Variants in C8orf34 observed in about 807,000 individuals in gnomAD.
C8orf34 encodes the protein chromosome 8 open reading frame 34, also known as uncharacterized protein C8orf34.
C8orf34 carries 65 observed loss-of-function variants against 68.3 expected under a neutral mutation model. That is an observed-to-expected ratio of 0.95 (90% CI 0.78 to 1.17). The LOEUF (loss-of-function observed/expected upper bound fraction) is 1.17, where lower values mean the gene tolerates loss of function less well. Among genes scored for constraint, C8orf34 ranks in the 50% most tolerant of loss-of-function variants. The pLI is 0.00. For synonymous variants in C8orf34, 244 were observed against 241.2 expected (o/e 1.01, Z -0.11); for missense variants, 664 against 655.4 (o/e 1.01, Z -0.14).
chr8:68,426,650 TAA>T (rs896089195), intron 1 of C8orf34, among the ~76,000 whole-genome samples: 1 of 148,662 alleles, frequency 6.7e-6, no homozygotes, highest in African/African-American at 2.5e-5. Context: ...CAAAACATAT[TAA>T]AAAAAAGAAA....
intron 7 of C8orf34, among the ~76,000 whole-genome samples, chr8:68,631,995 A>G (rs951265110): frequency 9.9e-5 from 15 of 152,222 alleles, no homozygotes; most frequent in African/African-American, 3.6e-4. Context: ...GGTACTGCCT[A>G]AAGATACCTA....
At chr8:68,803,000 A>C (rs1185338535) in intron 12 of C8orf34, among the ~76,000 whole-genome samples, 1 of 152,128 alleles carries the variant, frequency 6.6e-6, no homozygotes, top group African/African-American at 2.4e-5. Context: ...TATCTATTAA[A>C]AATTAAATTA....
At chr8:68,615,775 G>C (rs1007312017) in intron 7 of C8orf34, among the ~76,000 whole-genome samples, 13 of 152,158 alleles carry the variant, frequency 8.5e-5, no homozygotes, top group Non-Finnish European at 1.6e-4. Context: ...TCTCTGCCCA[G>C]CTTTGGTATC....
chr8:68,812,711 CAAAT>C (rs1240565430), intron 12 of C8orf34, among the ~76,000 whole-genome samples: 4 of 152,000 alleles, frequency 2.6e-5, no homozygotes, highest in African/African-American at 9.7e-5. Flanking sequence ...TTTTACTTAA[CAAAT>C]ATTTATTGAA....
intron 8 of C8orf34, among the ~76,000 whole-genome samples, chr8:68,641,116 G>A (rs1818995698): frequency 6.6e-6 from 1 of 152,206 alleles, no homozygotes; most frequent in African/African-American, 2.4e-5. Context: ...CATTTGCAAA[G>A]AGGCTTTTAA....
intron 1 of C8orf34, among the ~76,000 whole-genome samples, chr8:68,420,357 G>T (rs1809908455): frequency 6.6e-6 from 1 of 152,016 alleles, no homozygotes. Context: ...TGGGTCATCT[G>T]GAATTCCAGA....
At position 68,521,880 on chromosome 8, in the gene C8orf34, C is replaced by A; in HGVS notation, c.847C>A (p.Pro283Thr). 6.2e-7 allele frequency: 1 copy of A among 1,614,006 alleles called. No homozygotes were observed. The highest frequency in any genetic ancestry group is 1.1e-5 in the South Asian group (1 of 91,078). Reference sequence around the variant, plus strand: ...TGGTAGAGAAGAAAATGATGCTGATCCCCTAGCTGCTGAAATGCTACAGCC... The same window carrying A: ...TGGTAGAGAAGAAAATGATGCTGATACCCTAGCTGCTGAAATGCTACAGCC... ...WIGREENDADPLAAEMLQPPI... is the reference protein window; with the variant it reads ...WIGREENDADTLAAEMLQPPI... Residue 283 changes from proline (P) to threonine (T), a missense_variant, in exon 6 of 14, where the codon CCC (proline) becomes ACC (threonine). Physicochemically the swap from Pro to Thr is conservative, Grantham distance 38 (BLOSUM62 -1). Coordinates refer to ENST00000518698, the MANE Select transcript of C8orf34 (RefSeq NM_052958.4).
intron 10 of C8orf34, among the ~76,000 whole-genome samples, chr8:68,741,071 G>A (rs73275950): frequency 0.11 from 16,259 of 151,982 alleles, 953 homozygotes; most frequent in East Asian, 0.22. Flanking sequence ...CACTCACTGG[G>A]ACCTATCAGA....
At chr8:68,691,764 A>T (rs1820692782) in intron 8 of C8orf34, among the ~76,000 whole-genome samples, 1 of 152,104 alleles carries the variant, frequency 6.6e-6, no homozygotes, top group South Asian at 2.1e-4. Context: ...TTGAAAGATA[A>T]AGGTGAGTCC....
At chr8:68,382,264 C>T (rs1447910854) in intron 1 of C8orf34, among the ~76,000 whole-genome samples, 1 of 152,156 alleles carries the variant, frequency 6.6e-6, no homozygotes, top group Non-Finnish European at 1.5e-5. Context: ...CAATTTAAGA[C>T]ATTTCACATA....
intron 11 of C8orf34, among the ~76,000 whole-genome samples, chr8:68,780,824 A>G (rs1022141887): frequency 2.0e-5 from 3 of 152,188 alleles, no homozygotes; most frequent in African/African-American, 7.2e-5. Flanking sequence ...AAATGCAACA[A>G]GAAAGTTATT....
At chr8:68,401,946 T>A (rs186965725) in intron 1 of C8orf34, among the ~76,000 whole-genome samples, 1 of 151,690 alleles carries the variant, frequency 6.6e-6, no homozygotes, top group African/African-American at 2.4e-5. Flanking sequence ...TTAGAGAGAA[T>A]TCCCTCCTCC....
intron 4 of C8orf34, among the ~76,000 whole-genome samples, chr8:68,484,664 C>T (rs1350343800): frequency 1.3e-5 from 2 of 152,160 alleles, no homozygotes; most frequent in African/African-American, 4.8e-5. Flanking sequence ...TGTGGATATT[C>T]TGCTAGACAC....
intron 1 of C8orf34, among the ~76,000 whole-genome samples, chr8:68,338,151 T>C (rs1457396998): frequency 6.6e-6 from 1 of 152,160 alleles, no homozygotes; most frequent in Admixed American, 6.5e-5. Flanking sequence ...GCCCTCTTAC[T>C]TTGTCCTCAT....
chr8:68,664,641 A>T (rs1415091320), intron 8 of C8orf34, among the ~76,000 whole-genome samples: 1 of 152,168 alleles, frequency 6.6e-6, no homozygotes, highest in Admixed American at 6.5e-5. Flanking sequence ...ATGTCACCCC[A>T]TTGAACACTG....
chr8:68,400,505 G>T (rs1436543975), intron 1 of C8orf34, among the ~76,000 whole-genome samples: 1 of 152,022 alleles, frequency 6.6e-6, no homozygotes, highest in Non-Finnish European at 1.5e-5. Context: ...GGTTGTATGT[G>T]GCTTCATTTC....
At position 68,542,134 on chromosome 8, in the gene C8orf34, GA is replaced by G. The variant is rs543803775; in HGVS notation, c.1105+8989del. ...CACTCTGGGGTTTTCCTGTAGCATG[GA>G]AAAGATGGTATTGGGCTTGTAGAAA... On this transcript the variant is annotated intron_variant, in intron 7 of 13. Coordinates refer to ENST00000518698, the MANE Select transcript of C8orf34 (RefSeq NM_052958.4). Among the ~76,000 whole-genome samples the G allele has an allele frequency of 2.4e-3, 371 of 152,292 alleles. 2 individuals carry two copies. The highest frequency in any genetic ancestry group is 8.6e-3 in the African/African-American group (357 of 41,576).
intron 7 of C8orf34, among the ~76,000 whole-genome samples, chr8:68,551,636 AAGAG>A (rs1209573754): frequency 6.6e-6 from 1 of 152,026 alleles, no homozygotes; most frequent in Non-Finnish European, 1.5e-5. Flanking sequence ...TGGACTGGTT[AAGAG>A]AAACTGCTGT....
At chr8:68,646,045 C>T (rs948958294) in intron 8 of C8orf34, among the ~76,000 whole-genome samples, 2 of 152,098 alleles carry the variant, frequency 1.3e-5, no homozygotes, top group Non-Finnish European at 2.9e-5. Context: ...GTCTTTAGGC[C>T]TCTATTCCTG....
Sources: gnomAD v4.1 joint callset for allele counts (sites outside exome capture counted in the v4.1 genomes callset) on GRCh38, gnomAD v4.1.1 for gene constraint, MANE v1.5 for transcripts, NCBI Gene and HGNC (gene_info 2026-07-23, HGNC 2026-07-21) for gene names.